Variants in VAC14 observed in about 807,000 individuals in gnomAD.
VAC14 encodes protein VAC14 homolog.
VAC14 carries 47 observed loss-of-function variants against 85.3 expected under a neutral mutation model. The observed-to-expected ratio is 0.55, with a 90% CI of 0.44 to 0.70. The LOEUF (loss-of-function observed/expected upper bound fraction) is 0.70, where lower values mean the gene tolerates loss of function less well. Among genes scored for constraint, VAC14 ranks in the 30% least tolerant of loss-of-function variants. VAC14 has a pLI of 0.00. For missense variants in VAC14, 861 were observed against 1,004.3 expected (o/e 0.86, Z 1.93); for synonymous variants, 447 against 430.5 (o/e 1.04, Z -0.47).
chr16:70,765,463 GC>G (rs1597970244), intron 10 of VAC14, among the ~76,000 whole-genome samples: 1 of 152,160 alleles, frequency 6.6e-6, no homozygotes, highest in East Asian at 1.9e-4. Flanking sequence ...GCTCTCCTGG[GC>G]GCTTTCCTAC....
intron 14 of VAC14, among the ~76,000 whole-genome samples, chr16:70,708,624 C>A (rs2053968032): frequency 6.6e-6 from 1 of 152,222 alleles, no homozygotes. Flanking sequence ...TAGACACACC[C>A]CAGAATACGG....
At chr16:70,718,637 CCT>C (rs2054219732) in intron 14 of VAC14, among the ~76,000 whole-genome samples, 1 of 151,960 alleles carries the variant, frequency 6.6e-6, no homozygotes, top group South Asian at 2.1e-4. Flanking sequence ...ATGGCCAGCC[CCT>C]GTGGTTCTCC....
Position 70,780,888 on chromosome 16 carries a change from G to C in VAC14, c.998C>G (p.Thr333Ser). The change falls in exon 9 of 19, where the codon ACC becomes AGC. Residue 333 changes from threonine (T) to serine (S), a missense_variant. Physicochemically the swap from Thr to Ser is moderately conservative, Grantham distance 58. Around this residue, in one of 3 missense-constraint regions of VAC14, gnomAD observed 629 missense variants for 703.1 expected, o/e 0.89. Coordinates refer to ENST00000261776, the MANE Select transcript of VAC14 (RefSeq NM_018052.5). The part of the protein sequence containing the change: ...VCNQSLMKLV[T>S]PEDDELDELR... ...CTCATCCAGCTCGTCGTCCTCGGGGGTGACCAGCTTCATCAGGCTCTGGTT... is the reference window on the plus strand; with the variant it reads ...CTCATCCAGCTCGTCGTCCTCGGGGCTGACCAGCTTCATCAGGCTCTGGTT... The C allele has an allele frequency of 1.9e-6, 3 of 1,614,178 alleles. No homozygotes were observed. The highest frequency in any genetic ancestry group is 2.5e-6 in the Non-Finnish European group (3 of 1,180,036).
At chr16:70,725,789 A>G (rs1013318920) in intron 14 of VAC14, among the ~76,000 whole-genome samples, 1 of 152,094 alleles carries the variant, frequency 6.6e-6, no homozygotes, top group Admixed American at 6.5e-5. Context: ...TCCTCTCCAA[A>G]TGCCCGCCTC....
At chr16:70,758,929 A>T (rs1363118557) in intron 12 of VAC14, among the ~76,000 whole-genome samples, 1 of 152,230 alleles carries the variant, frequency 6.6e-6, no homozygotes, top group Admixed American at 6.5e-5. Context: ...CTGAGGAAAC[A>T]GCCACTTATC....
Position 70,762,100 on chromosome 16 carries a change from GTTTT to G in VAC14, c.1371+436_1371+439del, listed in dbSNP as rs1555523464. On this transcript the variant is annotated intron_variant, in intron 12 of 18. Transcript: ENST00000261776. The surrounding 1 kb of genome is among the most constrained non-coding windows in gnomAD (Gnocchi z 4.1). ...AGAAGAGTCCTCACTCCTAAAGTGA[GTTTT>G]TTTTTTTGTTTTTGTTTTTTTGAGA... is the stretch of plus-strand genomic sequence containing the variant. Among the ~76,000 whole-genome samples, 1 of 104,104 alleles carries G rather than the reference GTTTT, an allele frequency of 9.6e-6. No individual in the cohort carries two copies. Among genetic ancestry groups the G allele is most frequent in the East Asian group, 2.3e-4 (1 of 4,310 alleles). 68.3% of individuals were successfully genotyped at this position (104,104 alleles called of 152,430 possible).
intron 14 of VAC14, among the ~76,000 whole-genome samples, chr16:70,704,477 AC>A (rs1455941144): frequency 6.6e-6 from 1 of 152,030 alleles, no homozygotes; most frequent in East Asian, 1.9e-4. Flanking sequence ...TGGGGGCTTT[AC>A]CCCCCAACAC....
At chr16:70,743,536 C>A (rs2030567498) in intron 13 of VAC14, among the ~76,000 whole-genome samples, 1 of 152,206 alleles carries the variant, frequency 6.6e-6, no homozygotes, top group Non-Finnish European at 1.5e-5. Flanking sequence ...GTCAGCAAGA[C>A]CACGAACCCA....
chr16:70,780,430 C>A (rs980986493), intron 9 of VAC14, among the ~76,000 whole-genome samples: 6 of 152,096 alleles, frequency 3.9e-5, no homozygotes, highest in Non-Finnish European at 8.8e-5. Context: ...TCCAAACCTT[C>A]CTGCCCTGAA....
intron 9 of VAC14, among the ~76,000 whole-genome samples, chr16:70,773,926 C>T (rs905550527): frequency 6.6e-6 from 1 of 151,688 alleles, no homozygotes; most frequent in African/African-American, 2.4e-5. Context: ...CCATTAAGCC[C>T]GGATAATTTT....
intron 10 of VAC14, chr16:70,770,530 C>A (rs1873082846): frequency 6.6e-6 from 1 of 152,228 alleles, no homozygotes; most frequent in Non-Finnish European, 1.5e-5. Flanking sequence ...GCCCTGGAAG[C>A]CTGGCTATGT....
At chr16:70,759,204 C>T (rs1032403710) in intron 12 of VAC14, among the ~76,000 whole-genome samples, 1 of 152,218 alleles carries the variant, frequency 6.6e-6, no homozygotes, top group Non-Finnish European at 1.5e-5. Context: ...TTTATCACAA[C>T]CATCCTGGGA....
At chr16:70,792,190 A>G (rs2034370529) in intron 1 of VAC14, among the ~76,000 whole-genome samples, 1 of 152,178 alleles carries the variant, frequency 6.6e-6, no homozygotes, top group African/African-American at 2.4e-5. Flanking sequence ...TGCAGAGACA[A>G]AAAAAGAAAC....
In VAC14 at chr16:70,696,739, C is replaced by T. The variant is rs183445288; in HGVS notation, c.1955+400G>A. Among the ~76,000 whole-genome samples, 862 of 152,256 alleles carry T rather than the reference C, an allele frequency of 5.7e-3. 4 individuals are homozygous for T. The highest frequency in any genetic ancestry group is 9.8e-3 in the Non-Finnish European group (669 of 68,000). On this transcript the variant is annotated intron_variant, in intron 16 of 18. Coordinates refer to ENST00000261776, the MANE Select transcript of VAC14 (RefSeq NM_018052.5). The stretch of plus-strand genomic sequence containing the variant: ...ATTCCCAGCTCCAGGCCTTCTCCCC[C>T]ACCCCCACACCAGGCCCAGGAGGAA...
At chr16:70,758,138 A>T (rs932606239) in intron 12 of VAC14, among the ~76,000 whole-genome samples, 1 of 152,268 alleles carries the variant, frequency 6.6e-6, no homozygotes, top group African/African-American at 2.4e-5. Flanking sequence ...AAGGACATCA[A>T]GATGGCTCAC....
chr16:70,690,219 T>C (rs1597842466), intron 18 of VAC14: 1 of 985,466 alleles, frequency 1.0e-6, no homozygotes. Context: ...GGGCAGACCC[T>C]TCCTGGCCTG....
chr16:70,738,376 T>A (rs1201545491), intron 13 of VAC14, among the ~76,000 whole-genome samples: 2 of 152,090 alleles, frequency 1.3e-5, no homozygotes, highest in Non-Finnish European at 2.9e-5. Context: ...GCCGGAGGCA[T>A]CAATCATAGC....
At chr16:70,784,724 C>G in intron 4 of VAC14, 52 bp downstream of exon 4, 2 of 1,532,326 alleles carry the variant, frequency 1.3e-6, no homozygotes, top group Non-Finnish European at 1.8e-6. Context: ...GCTTTACAGA[C>G]AGACGGGAGA....
At chr16:70,766,571 C>G (rs1234027915) in intron 10 of VAC14, 2 of 456,246 alleles carry the variant, frequency 4.4e-6, no homozygotes, top group African/African-American at 4.0e-5. Context: ...CACAATCCTT[C>G]AAGGTACGGA....
Sources: gnomAD v4.1 joint callset for allele counts (sites outside exome capture counted in the v4.1 genomes callset) on GRCh38, gnomAD v4.1.1 for gene constraint, gnomAD v4.1.1 regional missense constraint, Gnocchi (gnomAD v3.1) non-coding constraint, MANE v1.5 for transcripts, NCBI Gene and HGNC (gene_info 2026-07-23, HGNC 2026-07-21) for gene names.